The following DENND1A variants were observed in gnomAD, a reference collection of about 807,000 sequenced individuals.
DENND1A encodes the protein DENN domain containing 1A.
DENND1A carries 51 observed loss-of-function variants against 113.7 expected under a neutral mutation model. The ratio of observed to expected loss-of-function variants is 0.45; its 90% CI spans 0.36 to 0.57. The LOEUF (loss-of-function observed/expected upper bound fraction) is 0.57. Among genes scored for constraint, DENND1A ranks in the 20% least tolerant of loss-of-function variants. The pLI is 0.00. For missense variants in DENND1A, 1,258 were observed against 1,395.9 expected (o/e 0.90, Z 1.57); for synonymous variants, 565 against 570.8 (o/e 0.99, Z 0.14).
chr9:123,499,094 C>T (rs966286741), intron 13 of DENND1A, among the ~76,000 whole-genome samples: 7 of 151,946 alleles, frequency 4.6e-5, no homozygotes, highest in African/African-American at 1.7e-4. Flanking sequence ...AGTGCAGTGT[C>T]GTGATCTTGG....
intron 11 of DENND1A, among the ~76,000 whole-genome samples, chr9:123,604,921 G>C (rs567655518): frequency 1.3e-5 from 2 of 152,256 alleles, no homozygotes; most frequent in African/African-American, 4.8e-5. Context: ...CCTTTGTTGA[G>C]CTCTTTATGT....
chr9:123,385,259 G>C (rs1308854700), intron 22 of DENND1A, among the ~76,000 whole-genome samples: 1 of 152,202 alleles, frequency 6.6e-6, no homozygotes, highest in Non-Finnish European at 1.5e-5. Flanking sequence ...CTGCCTCCCA[G>C]GTTCAAGCAA....
chr9:123,703,792 G>T (rs1366326940), intron 5 of DENND1A, among the ~76,000 whole-genome samples: 1 of 152,082 alleles, frequency 6.6e-6, no homozygotes, highest in Non-Finnish European at 1.5e-5. Context: ...ACAGATTTGT[G>T]CTTGCCTAGG....
intron 5 of DENND1A, among the ~76,000 whole-genome samples, chr9:123,680,184 A>G (rs2140179339): frequency 6.6e-6 from 1 of 152,324 alleles, no homozygotes. Flanking sequence ...AGCGAAAAGG[A>G]ACAGCCTGCT....
chr9:123,486,238 G>C (rs1258997120), intron 13 of DENND1A, among the ~76,000 whole-genome samples: 2 of 152,126 alleles, frequency 1.3e-5, no homozygotes, highest in African/African-American at 4.8e-5. Context: ...AAGTGGGCAG[G>C]TAAATCCAAT....
intron 9 of DENND1A, among the ~76,000 whole-genome samples, chr9:123,630,970 T>C (rs746831737): frequency 2.0e-5 from 3 of 152,230 alleles, no homozygotes; most frequent in Non-Finnish European, 4.4e-5. Flanking sequence ...TATCTTTTAA[T>C]GATACTCGAT....
chr9:123,409,002 A>AAGAGAGACAGTGG (rs1212097977), intron 20 of DENND1A, among the ~76,000 whole-genome samples: 2 of 152,196 alleles, frequency 1.3e-5, no homozygotes, highest in Non-Finnish European at 2.9e-5. Context: ...GTAGAAAACA[A>AAGAGAGACAGTGG]AGAGAGACAG....
At chr9:123,646,120 T>C (rs951336216) in intron 9 of DENND1A, among the ~76,000 whole-genome samples, 29 of 152,240 alleles carry the variant, frequency 1.9e-4, no homozygotes, top group Non-Finnish European at 2.9e-5. Context: ...TTTCCCATTA[T>C]AGAATTTATT....
At chr9:123,413,364 A>T in intron 19 of DENND1A, 1 of 947,016 alleles carries the variant, frequency 1.1e-6, no homozygotes, top group Non-Finnish European at 1.3e-6. Flanking sequence ...TTTCACATTC[A>T]GAATTCCACA....
chr9:123,777,040 T>C (rs1223877980), intron 3 of DENND1A, among the ~76,000 whole-genome samples: 2 of 152,262 alleles, frequency 1.3e-5, no homozygotes, highest in Non-Finnish European at 2.9e-5. Flanking sequence ...CACTTGGCTA[T>C]ACTTGGACGC....
At chr9:123,832,374 T>A (rs1840357760) in intron 2 of DENND1A, among the ~76,000 whole-genome samples, 1 of 152,168 alleles carries the variant, frequency 6.6e-6, no homozygotes, top group African/African-American at 2.4e-5. Context: ...AGACCTTTAA[T>A]AGTAAGTGTT....
chr9:123,461,636 G>A (rs531590795), intron 13 of DENND1A, among the ~76,000 whole-genome samples: 5 of 152,304 alleles, frequency 3.3e-5, no homozygotes, highest in Admixed American at 1.3e-4. Context: ...AACCAGATTC[G>A]TAGATGAGGT....
chr9:123,641,517 C>T (rs538568599), intron 9 of DENND1A, among the ~76,000 whole-genome samples: 41 of 151,670 alleles, frequency 2.7e-4, no homozygotes, highest in Middle Eastern at 3.5e-3. Context: ...ACTGGTATTC[C>T]GTAAAATTAC....
chr9:123,775,055 A>T (rs930772133), intron 3 of DENND1A, among the ~76,000 whole-genome samples: 5 of 152,226 alleles, frequency 3.3e-5, no homozygotes, highest in African/African-American at 1.2e-4. Context: ...AACTTAGCTA[A>T]AACAAAGTTG....
At chr9:123,663,957 T>C (rs984404424) in intron 8 of DENND1A, among the ~76,000 whole-genome samples, 2 of 152,172 alleles carry the variant, frequency 1.3e-5, no homozygotes, top group Admixed American at 6.5e-5. Context: ...AGCAGGGATC[T>C]AGTGCTCTGA....
At chr9:123,872,170 C>CA (rs201570538) in intron 2 of DENND1A, among the ~76,000 whole-genome samples, 19 of 148,530 alleles carry the variant, frequency 1.3e-4, no homozygotes, top group East Asian at 3.9e-4. Context: ...TGAAGTGTGG[C>CA]AAAAAAAAAT....
intron 18 of DENND1A, among the ~76,000 whole-genome samples, chr9:123,446,006 T>C (rs2047276760): frequency 6.6e-6 from 1 of 152,218 alleles, no homozygotes; most frequent in South Asian, 2.1e-4. Context: ...AGTTTACAGA[T>C]GAGAAAAACT....
intron 19 of DENND1A, among the ~76,000 whole-genome samples, chr9:123,412,098 G>A (rs113377369): frequency 2.6e-5 from 4 of 152,286 alleles, no homozygotes; most frequent in African/African-American, 9.6e-5. Flanking sequence ...CACAGGCTGG[G>A]GGCCCTTCCC....
chr9:123,441,570 G>A (rs764755400), intron 18 of DENND1A, among the ~76,000 whole-genome samples: 11 of 152,164 alleles, frequency 7.2e-5, no homozygotes, highest in Non-Finnish European at 1.6e-4. Flanking sequence ...CCATGGCTCC[G>A]GTGGCTGAAG....
Sources: allele counts gnomAD v4.1 joint callset (sites outside exome capture counted in the v4.1 genomes callset), GRCh38; gene constraint gnomAD v4.1.1; transcripts MANE v1.5; gene names NCBI Gene and HGNC (gene_info 2026-07-23, HGNC 2026-07-21).